The following MYO3A variants were observed in gnomAD, a reference collection of about 807,000 sequenced individuals.
The protein encoded by MYO3A is myosin IIIA, also known as myosin-IIIa.
In MYO3A, 180 loss-of-function variants were observed where a neutral mutation model predicts 192.7. That is an observed-to-expected ratio of 0.93 (90% CI 0.83 to 1.06). MYO3A has a LOEUF of 1.06. Ranked by LOEUF, MYO3A falls within the 50% of genes least tolerant of loss-of-function variation. The pLI, the probability that MYO3A is intolerant of heterozygous loss-of-function variation, is 0.00. For missense variants in MYO3A, 1,896 were observed against 1,905.0 expected (o/e 1.00, Z 0.09); for synonymous variants, 628 against 645.3 (o/e 0.97, Z 0.41).
At chr10:26,153,725 C>T (rs567122770) in intron 23 of MYO3A, 125 bp from the exon 24 acceptor site, 6 of 641,280 alleles carry the variant, frequency 9.4e-6, no homozygotes, top group East Asian at 8.7e-5. Context: ...AAATAGTTAA[C>T]CAAGCATATG....
chr10:26,052,455 C>T (rs1348808795), intron 10 of MYO3A, among the ~76,000 whole-genome samples: 4 of 152,132 alleles, frequency 2.6e-5, no homozygotes, highest in African/African-American at 4.8e-5. Context: ...GTGTGTGCTT[C>T]CTTCTCCACC....
chr10:26,159,293 T>C (rs1841349962), intron 26 of MYO3A, among the ~76,000 whole-genome samples: 1 of 151,470 alleles, frequency 6.6e-6, no homozygotes, highest in South Asian at 2.1e-4. Flanking sequence ...CCTGGCCTAT[T>C]TCTGCTAATT....
intron 6 of MYO3A, among the ~76,000 whole-genome samples, chr10:26,000,087 C>T (rs748806532): frequency 7.9e-5 from 12 of 152,250 alleles, no homozygotes; most frequent in Non-Finnish European, 1.3e-4. Context: ...TCTGATCCTG[C>T]GACTACCTTG....
chr10:26,001,268 G>C (rs1318714676), intron 6 of MYO3A, among the ~76,000 whole-genome samples: 1 of 149,428 alleles, frequency 6.7e-6, no homozygotes, highest in Non-Finnish European at 1.5e-5. Context: ...TGATCAGATA[G>C]TGGAAAGACT....
intron 10 of MYO3A, among the ~76,000 whole-genome samples, chr10:26,059,323 T>G (rs2131330740): frequency 6.6e-6 from 1 of 152,338 alleles, no homozygotes; most frequent in East Asian, 1.9e-4. Flanking sequence ...TGTAGGCTAT[T>G]TTACATGTTG....
intron 12 of MYO3A, 38 bp downstream of exon 12, chr10:26,068,922 A>G: frequency 8.0e-7 from 1 of 1,249,762 alleles, no homozygotes; most frequent in African/African-American, 1.5e-5. Flanking sequence ...CTTCATACAC[A>G]TAATTATACA....
intron 6 of MYO3A, among the ~76,000 whole-genome samples, chr10:26,010,709 G>A (rs1178901917): frequency 6.6e-6 from 1 of 152,076 alleles, no homozygotes; most frequent in East Asian, 1.9e-4. Context: ...CGATCCACCT[G>A]CCTCAGCCTC....
intron 28 of MYO3A, 28 bp downstream of exon 28, chr10:26,168,902 G>A: frequency 1.3e-6 from 2 of 1,588,222 alleles, no homozygotes; most frequent in Non-Finnish European, 1.7e-6. Flanking sequence ...TTTAGATATG[G>A]TCATAAAATC....
rs762756894 is a variant in MYO3A at position 26,021,613 on chromosome 10, C to T, written c.696C>T (p.Asp232=). The T allele has an allele frequency of 5.0e-6, 8 of 1,613,980 alleles. No individual in the cohort carries two copies. The highest frequency in any genetic ancestry group is 1.3e-5 in the African/African-American group (1 of 74,906). ...GTGATGGAGATCCTCCACTAGCTGA[C>T]CTTCATCCCATGAGAGCACTCTTCA... ...ELGDGDPPLA[D]LHPMRALFKI... is the part of the protein sequence containing the mutation. The change falls in exon 8 of 35, where the codon GAC becomes GAT. Residue 232 remains aspartate (D), a synonymous_variant. Coordinates refer to ENST00000642920, the MANE Select transcript of MYO3A (RefSeq NM_017433.5).
intron 7 of MYO3A, among the ~76,000 whole-genome samples, chr10:26,018,657 G>A (rs1044789695): frequency 2.0e-5 from 3 of 152,160 alleles, no homozygotes; most frequent in Non-Finnish European, 4.4e-5. Flanking sequence ...ATTAGCGACT[G>A]TAGTAGGTGA....
chr10:26,205,574 G>A (rs12243193), intron 34 of MYO3A, among the ~76,000 whole-genome samples: 23,752 of 138,094 alleles, frequency 0.17, 2,208 homozygotes, highest in East Asian at 0.31. Context: ...AGGTTCACTC[G>A]TGTTGTTAAA....
chr10:26,005,836 C>A (rs1053968862), intron 6 of MYO3A, among the ~76,000 whole-genome samples: 7 of 151,980 alleles, frequency 4.6e-5, no homozygotes, highest in Admixed American at 1.3e-4. Flanking sequence ...TTCAAATGCT[C>A]ATAACTATAT....
At chr10:26,137,582 C>A (rs549000370) in intron 20 of MYO3A, among the ~76,000 whole-genome samples, 1 of 152,116 alleles carries the variant, frequency 6.6e-6, no homozygotes, top group African/African-American at 2.4e-5. Context: ...TTTTAGGGAA[C>A]AAGGGAAGAC....
intron 2 of MYO3A, among the ~76,000 whole-genome samples, chr10:25,943,622 A>C (rs1485355426): frequency 6.6e-6 from 1 of 152,014 alleles, no homozygotes; most frequent in East Asian, 1.9e-4. Flanking sequence ...TAAGTATTTT[A>C]TTCTTTTTGA....
In MYO3A at chr10:26,082,249, C is replaced by T. The variant is rs1836004833; in HGVS notation, c.1360-5954C>T. Among the ~76,000 whole-genome samples the T allele has an allele frequency of 4.0e-5, 6 of 151,488 alleles. No individual in the cohort carries two copies. The South Asian group carries it at 1.3e-3, about 32-fold the overall frequency. On this transcript the variant is annotated intron_variant, in intron 14 of 34. Coordinates refer to ENST00000642920, the MANE Select transcript of MYO3A (RefSeq NM_017433.5). ...ATAAATTTTCATTTATTTGTGTCTTCCTCAACTTCTTTCATCACTGTTTTA... is the reference window on the plus strand; with the variant it reads ...ATAAATTTTCATTTATTTGTGTCTTTCTCAACTTCTTTCATCACTGTTTTA...
chr10:26,085,237 T>G (rs1836235333), intron 14 of MYO3A, among the ~76,000 whole-genome samples: 2 of 152,054 alleles, frequency 1.3e-5, no homozygotes, highest in African/African-American at 4.8e-5. Context: ...AGTTTTTCCT[T>G]TCTCTATTTG....
chr10:25,958,004 C>T (rs770952306), intron 4 of MYO3A, among the ~76,000 whole-genome samples: 6 of 152,032 alleles, frequency 3.9e-5, no homozygotes, highest in Admixed American at 6.6e-5. Flanking sequence ...TCAGATGCAT[C>T]GTTTGTAAAC....
At chr10:26,207,989 C>T (rs1342607503) in intron 34 of MYO3A, among the ~76,000 whole-genome samples, 2 of 151,926 alleles carry the variant, frequency 1.3e-5, no homozygotes, top group Non-Finnish European at 2.9e-5. Context: ...GATCTTTTAC[C>T]TCCTTGATTA....
At chr10:26,006,315 AAAGAAC>A (rs1841203276) in intron 6 of MYO3A, among the ~76,000 whole-genome samples, 1 of 152,214 alleles carries the variant, frequency 6.6e-6, no homozygotes, top group African/African-American at 2.4e-5. Context: ...ATCACAATTA[AAAGAAC>A]TAGAAAAGCA....
Sources: allele counts gnomAD v4.1 joint callset (sites outside exome capture counted in the v4.1 genomes callset), GRCh38; gene constraint gnomAD v4.1.1; transcripts MANE v1.5; gene names NCBI Gene and HGNC (gene_info 2026-07-23, HGNC 2026-07-21).